The following TEK variants were observed in gnomAD, a reference collection of about 807,000 sequenced individuals.
TEK encodes the protein angiopoietin-1 receptor.
In TEK, 43 loss-of-function variants were observed where a neutral mutation model predicts 131.8. The observed-to-expected ratio is 0.33, with a 90% CI of 0.26 to 0.42. The LOEUF is 0.42. Among genes scored for constraint, TEK ranks in the 10% least tolerant of loss-of-function variants. The pLI is 1.00. For synonymous variants in TEK, 580 were observed against 491.6 expected, an observed-to-expected ratio of 1.18 and a Z score of -2.38; for missense variants, 1,162 against 1,384.4, an observed-to-expected ratio of 0.84 and a Z score of 2.55.
At chr9:27,219,403 C>G (rs138536208) in intron 20 of TEK, among the ~76,000 whole-genome samples, 1,709 of 152,142 alleles carry the variant, frequency 0.011, 26 homozygotes, top group African/African-American at 0.039. Context: ...AACCAAACAC[C>G]ACATGTTGTC....
chr9:27,209,299 A>C (rs1451994261), intron 16 of TEK, 68 bp downstream of exon 16: 1 of 1,110,034 alleles, frequency 9.0e-7, no homozygotes, highest in Non-Finnish European at 1.4e-6. Context: ...ATATGGATAT[A>C]AGGAAAGATA....
intron 6 of TEK, among the ~76,000 whole-genome samples, chr9:27,175,985 C>G (rs574805223): frequency 6.6e-6 from 1 of 152,272 alleles, no homozygotes; most frequent in East Asian, 1.9e-4. Context: ...TATAAGAGTA[C>G]ATTTCATGAA....
chr9:27,228,459 G>C (rs1328891112), intron 22 of TEK, among the ~76,000 whole-genome samples, 154 bp downstream of exon 22: 1 of 152,118 alleles, frequency 6.6e-6, no homozygotes, highest in Admixed American at 6.6e-5. Context: ...CCGCGACTTT[G>C]AAGAAGTTAC....
At chr9:27,181,684 A>G (rs948327738) in intron 7 of TEK, among the ~76,000 whole-genome samples, 2 of 152,192 alleles carry the variant, frequency 1.3e-5, no homozygotes, top group Non-Finnish European at 2.9e-5. Context: ...TTTGTACTAC[A>G]AGGGCAGAAA....
chr9:27,168,454 TG>T, intron 2 of TEK, 40 bp from the exon 3 acceptor site: 1 of 1,478,906 alleles, frequency 6.8e-7, no homozygotes, highest in Non-Finnish European at 9.4e-7. Flanking sequence ...GGAGAAAATG[TG>T]TGATCCCATT....
chr9:27,140,396 GA>G (rs59569720), intron 1 of TEK, among the ~76,000 whole-genome samples: 3,485 of 113,428 alleles, frequency 0.031, 104 homozygotes, highest in African/African-American at 0.096. Flanking sequence ...TAGCAAAAAA[GA>G]AAAAAAAAAA....
intron 19 of TEK, among the ~76,000 whole-genome samples, chr9:27,218,060 C>T (rs1383344251): frequency 6.6e-6 from 1 of 151,322 alleles, no homozygotes; most frequent in African/African-American, 2.4e-5. Flanking sequence ...CTTCCTGTGG[C>T]TCCTCTCCCA....
intron 11 of TEK, among the ~76,000 whole-genome samples, chr9:27,196,710 C>T (rs1355538908): frequency 2.7e-5 from 4 of 148,992 alleles, no homozygotes; most frequent in Non-Finnish European, 1.5e-5. Context: ...GGAGCAGGCA[C>T]TTTGCATGGT....
intron 4 of TEK, among the ~76,000 whole-genome samples, chr9:27,171,491 T>C (rs1163770760): frequency 6.6e-6 from 1 of 152,202 alleles, no homozygotes; most frequent in Non-Finnish European, 1.5e-5. Flanking sequence ...ATTAGCTAAA[T>C]AAATATTGAA....
rs747232944 is a variant in TEK at position 27,212,813 on chromosome 9, C to T, written c.2793C>T (p.Ser931=). 30 of 1,613,948 alleles carry T rather than the reference C, an allele frequency of 1.9e-5. No homozygotes were observed. The South Asian group carries it at 3.0e-4, about 16-fold the overall frequency. The change falls in exon 17 of 23, where the codon AGC becomes AGT. Residue 931 remains serine, a synonymous_variant. Transcript: ENST00000380036. ...ACCCAGCATTTGCCATTGCCAATAG[C>T]ACCGCGTCCACACTGTCCTCCCAGC... The part of the protein sequence containing the change: ...ETDPAFAIAN[S]TASTLSSQQL...
chr9:27,161,316 A>C (rs894821870), intron 2 of TEK, among the ~76,000 whole-genome samples: 5 of 152,246 alleles, frequency 3.3e-5, no homozygotes, highest in African/African-American at 7.2e-5. Flanking sequence ...GCCTTTGGCA[A>C]GTTATTTAAC....
chr9:27,155,513 A>C (rs1310478485), intron 1 of TEK, among the ~76,000 whole-genome samples: 1 of 152,222 alleles, frequency 6.6e-6, no homozygotes, highest in Non-Finnish European at 1.5e-5. Flanking sequence ...CATTCAGATA[A>C]AGGTTTAATT....
chr9:27,150,919 G>T (rs1003599658), intron 1 of TEK, among the ~76,000 whole-genome samples: 6 of 152,138 alleles, frequency 3.9e-5, no homozygotes, highest in Non-Finnish European at 7.3e-5. Context: ...ACAGACAAGG[G>T]TGCCATTTGG....
At chr9:27,135,151 G>A (rs1176361110) in intron 1 of TEK, among the ~76,000 whole-genome samples, 1 of 152,090 alleles carries the variant, frequency 6.6e-6, no homozygotes, top group African/African-American at 2.4e-5. Flanking sequence ...TTGAACCCAG[G>A]AGGTGGAGGT....
At chr9:27,129,257 T>C (rs1340184361) in intron 1 of TEK, among the ~76,000 whole-genome samples, 2 of 152,210 alleles carry the variant, frequency 1.3e-5, no homozygotes, top group East Asian at 1.9e-4. Context: ...ATTCTGTTTA[T>C]GTGATGGATT....
At chr9:27,182,140 T>G (rs1404088628) in intron 7 of TEK, among the ~76,000 whole-genome samples, 1 of 152,178 alleles carries the variant, frequency 6.6e-6, no homozygotes, top group African/African-American at 2.4e-5. Context: ...TTGAATTTTG[T>G]GCTTTGTTCC....
intron 1 of TEK, among the ~76,000 whole-genome samples, chr9:27,148,766 A>G (rs1268282706): frequency 6.6e-6 from 1 of 152,208 alleles, no homozygotes; most frequent in African/African-American, 2.4e-5. Context: ...TTCTCTGTGA[A>G]TTGCTATTGG....
chr9:27,166,803 T>A (rs1823747853), intron 2 of TEK, among the ~76,000 whole-genome samples: 1 of 152,216 alleles, frequency 6.6e-6, no homozygotes, highest in Non-Finnish European at 1.5e-5. Flanking sequence ...TTTTCTGATC[T>A]GAATTTGATG....
intron 1 of TEK, among the ~76,000 whole-genome samples, chr9:27,111,226 C>T (rs1434933151): frequency 1.8e-5 from 1 of 55,446 alleles, no homozygotes; most frequent in Non-Finnish European, 3.3e-5. Flanking sequence ...AGGCAGAGGA[C>T]CAAGGAGAGG....
Sources: gnomAD v4.1 joint callset for allele counts (sites outside exome capture counted in the v4.1 genomes callset) on GRCh38, gnomAD v4.1.1 for gene constraint, MANE v1.5 for transcripts, NCBI Gene and HGNC (gene_info 2026-07-23, HGNC 2026-07-21) for gene names.